RSPO3: variants seen among roughly 807,000 people sequenced by gnomAD.
RSPO3 encodes R-spondin-3.
A neutral mutation model predicts 36.5 loss-of-function variants in RSPO3; 17 were observed. The observed-to-expected ratio is 0.47, with a 90% CI of 0.32 to 0.70. The LOEUF (loss-of-function observed/expected upper bound fraction) is 0.70, where lower values mean the gene tolerates loss of function less well. Ranked by LOEUF, RSPO3 falls within the 30% of genes least tolerant of loss-of-function variation. The pLI is 0.04. For missense variants in RSPO3, 294 were observed against 322.5 expected (o/e 0.91, Z 0.68); for synonymous variants, 108 against 107.0 (o/e 1.01, Z -0.06).
Position 127,119,215 on chromosome 6 carries a change from G to T in RSPO3, c.23G>T (p.Trp8Leu), listed in dbSNP as rs1339155245. 6.2e-7 allele frequency: 1 copy of T among 1,613,660 alleles called. No homozygotes were observed. Among genetic ancestry groups the T allele is most frequent in the African/African-American group, 1.3e-5 (1 of 74,928 alleles). The change falls in exon 1 of 5, where the codon TGG (tryptophan) becomes TTG (leucine). Residue 8 changes from tryptophan to leucine, a missense_variant. Coordinates refer to ENST00000356698, the MANE Select transcript of RSPO3 (RefSeq NM_032784.5). ...ACTATGCACTTGCGACTGATTTCTT[G>T]GCTTTTTATCATTTTGAACTTTATG... is the stretch of plus-strand genomic sequence containing the variant. MHLRLIS[W>L]LFIILNFMEY...
chr6:127,169,918 C>T (rs1774902515), intron 4 of RSPO3, among the ~76,000 whole-genome samples: 1 of 151,718 alleles, frequency 6.6e-6, no homozygotes, highest in Admixed American at 6.6e-5. Context: ...ACTTGAGCCA[C>T]TCTCCCCTGC....
At chr6:127,155,002 G>C (rs1330240979) in intron 3 of RSPO3, among the ~76,000 whole-genome samples, 2 of 152,092 alleles carry the variant, frequency 1.3e-5, no homozygotes, top group Non-Finnish European at 1.5e-5. Context: ...AATCAATCTA[G>C]AGAAAAAGGA....
rs1773770178 is a variant in RSPO3, at chr6:127,118,830, C to CGCTGCA, written c.-360_-355dup. ...GCAGCTTCTGAGCCCAAGGGGCCGC[C>CGCTGCA]GCTGCAGCCGCCGCCGCCGCCGCTC... On this transcript the variant is annotated 5_prime_UTR_variant, in exon 1 of 5. Transcript: ENST00000356698. 6.2e-6 allele frequency: 1 copy of CGCTGCA among 160,662 alleles called. No homozygotes were observed. Among genetic ancestry groups the CGCTGCA allele is most frequent in the Non-Finnish European group, 1.3e-5 (1 of 74,492 alleles). The allele number at this position is 160,662 out of a possible 1,614,324, so 10.0% of individuals were successfully genotyped here. A position where few individuals can be genotyped will look rare whatever the true frequency, so the allele number is the denominator to read the frequency against.
chr6:127,154,913 T>G (rs1774562532), intron 3 of RSPO3, among the ~76,000 whole-genome samples: 2 of 152,146 alleles, frequency 1.3e-5, no homozygotes, highest in Non-Finnish European at 2.9e-5. Context: ...TCAGGATCAA[T>G]CAACAATTGC....
intron 4 of RSPO3, chr6:127,192,778 A>AT: frequency 1.5e-6 from 1 of 653,252 alleles, no homozygotes; most frequent in Non-Finnish European, 1.9e-6. Flanking sequence ...GTGTGTGTGT[A>AT]TATATATATG....
At chr6:127,147,908 T>C (rs1255568713) in intron 1 of RSPO3, among the ~76,000 whole-genome samples, 4 of 152,152 alleles carry the variant, frequency 2.6e-5, no homozygotes, top group Non-Finnish European at 4.4e-5. Context: ...AGTAGTCATA[T>C]ATGATCCACA....
chr6:127,138,123 G>A (rs1774198170), intron 1 of RSPO3, among the ~76,000 whole-genome samples: 1 of 152,166 alleles, frequency 6.6e-6, no homozygotes, highest in Admixed American at 6.5e-5. Context: ...ATTTGGGAGT[G>A]GCATCTTACC....
At chr6:127,178,141 C>T (rs1446453643) in intron 4 of RSPO3, among the ~76,000 whole-genome samples, 1 of 151,624 alleles carries the variant, frequency 6.6e-6, no homozygotes, top group East Asian at 1.9e-4. Context: ...TTATATTTCA[C>T]TGTATACACT....
At chr6:127,150,307 G>T (rs906223381) in intron 2 of RSPO3, 119 bp from the exon 3 acceptor site, 3 of 855,330 alleles carry the variant, frequency 3.5e-6, no homozygotes, top group Non-Finnish European at 5.3e-6. Context: ...AAATAATTTT[G>T]GACTTCAGGT....
intron 1 of RSPO3, among the ~76,000 whole-genome samples, chr6:127,121,574 G>GCGA (rs1268294337): frequency 6.6e-6 from 1 of 152,188 alleles, no homozygotes; most frequent in African/African-American, 2.4e-5. Flanking sequence ...TGGTAGAGGG[G>GCGA]CGACCCCTTG....
chr6:127,131,875 T>G (rs1774065083), intron 1 of RSPO3, among the ~76,000 whole-genome samples: 1 of 152,136 alleles, frequency 6.6e-6, no homozygotes, highest in African/African-American at 2.4e-5. Context: ...TCATAGACAA[T>G]TTATTTACTG....
chr6:127,150,639 T>C (rs1311940368), intron 3 of RSPO3, 67 bp downstream of exon 3: 8 of 1,490,030 alleles, frequency 5.4e-6, no homozygotes, highest in Non-Finnish European at 9.1e-7. Context: ...CTTTTCAAAG[T>C]CCTTTGCCAA....
intron 4 of RSPO3, among the ~76,000 whole-genome samples, chr6:127,176,669 T>C (rs1775061950): frequency 6.6e-6 from 1 of 151,790 alleles, no homozygotes; most frequent in Admixed American, 6.6e-5. Context: ...GATGAATGTA[T>C]AATAATCCAG....
Position 127,155,435 on chromosome 6 carries a change from C to A in RSPO3, c.631C>A (p.Arg211=), listed in dbSNP as rs770169474. The A allele has an allele frequency of 6.2e-7, 1 of 1,612,346 alleles. No individual in the cohort carries two copies. The highest frequency in any genetic ancestry group is 8.5e-7 in the Non-Finnish European group (1 of 1,179,010). Residue 211 remains arginine (R), a synonymous_variant, in exon 4 of 5, where the codon CGA becomes AGA. Transcript: ENST00000356698. ...VQRKKCQKGE[R]GKKGRERKRK... The stretch of plus-strand genomic sequence containing the variant: ...AAGGAAGAAGTGTCAGAAGGGAGAA[C>A]GAGGTACAATCATAATAACAAAATG...
At chr6:127,191,588 G>T (rs1775410578) in intron 4 of RSPO3, among the ~76,000 whole-genome samples, 2 of 152,130 alleles carry the variant, frequency 1.3e-5, no homozygotes, top group African/African-American at 4.8e-5. Context: ...ATACTACTAT[G>T]CAACAAAATC....
intron 1 of RSPO3, among the ~76,000 whole-genome samples, chr6:127,141,659 T>C (rs1774272556): frequency 6.6e-6 from 1 of 152,212 alleles, no homozygotes; most frequent in Non-Finnish European, 1.5e-5. Context: ...TCTCTGAGAC[T>C]CTTAGGAATT....
intron 1 of RSPO3, among the ~76,000 whole-genome samples, chr6:127,119,516 G>C (rs1184956666): frequency 6.6e-6 from 1 of 152,188 alleles, no homozygotes; most frequent in Non-Finnish European, 1.5e-5. Flanking sequence ...GGGCGGACGC[G>C]GCGCTAAGGT....
At chr6:127,146,568 T>C (rs1582794178) in intron 1 of RSPO3, among the ~76,000 whole-genome samples, 2 of 152,276 alleles carry the variant, frequency 1.3e-5, no homozygotes, top group East Asian at 1.9e-4. Flanking sequence ...ATATTAATAA[T>C]TGATATATTT....
chr6:127,140,608 T>A (rs956223387), intron 1 of RSPO3, among the ~76,000 whole-genome samples: 4 of 152,208 alleles, frequency 2.6e-5, no homozygotes, highest in African/African-American at 9.6e-5. Flanking sequence ...CCAAGATCCA[T>A]AAAATTAACA....
Sources: gnomAD v4.1 joint callset for allele counts (sites outside exome capture counted in the v4.1 genomes callset) on GRCh38, gnomAD v4.1.1 for gene constraint, MANE v1.5 for transcripts, NCBI Gene and HGNC (gene_info 2026-07-23, HGNC 2026-07-21) for gene names.